Variants in SHOX observed in about 807,000 individuals in gnomAD.
The protein encoded by SHOX is SHOX homeobox, also known as short stature homeobox protein.
SHOX carries 12 observed loss-of-function variants against 29.6 expected under a neutral mutation model. The ratio of observed to expected loss-of-function variants is 0.41; its 90% CI spans 0.26 to 0.66. The LOEUF (loss-of-function observed/expected upper bound fraction) is 0.66. Ranked by LOEUF, SHOX falls within the 30% of genes least tolerant of loss-of-function variation. The pLI is 0.35. For synonymous variants in SHOX, 214 were observed against 200.6 expected (o/e 1.07, Z -0.57); for missense variants, 499 against 437.7 (o/e 1.14, Z -1.25).
downstream of SHOX, among the ~76,000 whole-genome samples, chrX:654,506 G>T (rs1194677720): frequency 4.6e-5 from 7 of 151,818 alleles, no homozygotes; most frequent in East Asian, 1.3e-3. Context: ...TTCTAAAAAG[G>T]CTATAAAAAA....
intron 4 of SHOX, among the ~76,000 whole-genome samples, chrX:643,039 G>T (rs2052886474): frequency 6.9e-6 from 1 of 144,808 alleles, no homozygotes; most frequent in African/African-American, 2.6e-5. Flanking sequence ...GACACCTGGT[G>T]ACCCGGGAGG....
Position 644,650 on chromosome X carries a change from C to G in SHOX, c.*14C>G. 15 of 1,443,072 alleles carry G rather than the reference C, an allele frequency of 1.0e-5. No individual in the cohort carries two copies. The highest frequency in any genetic ancestry group is 2.8e-5 in the Admixed American group (1 of 35,386). 89.4% of individuals were successfully genotyped at this position (1,443,072 alleles called of 1,614,324 possible). ...CTGGGGCTCTGACCCGCCGCGCAGC[C>G]CCCCGCGCGCCCGGACTCCCGGGCT... On this transcript the variant is annotated 3_prime_UTR_variant, in exon 5 of 5. Coordinates refer to ENST00000686671, the MANE Select transcript of SHOX (RefSeq NM_000451.4).
intron 2 of SHOX, among the ~76,000 whole-genome samples, chrX:637,512 G>C (rs935305454): frequency 6.6e-6 from 1 of 151,872 alleles, no homozygotes; most frequent in Non-Finnish European, 1.5e-5. Flanking sequence ...ACAAATCGGG[G>C]ACAAGCTGGG....
exon 6 of SHOX, chrX:658,914 A>ATG: frequency 7.3e-6 from 2 of 273,122 alleles, no homozygotes; most frequent in Non-Finnish European, 1.5e-5. Context: ...ACAGGTGCCC[A>ATG]CCACCATGTC....
intron 2 of SHOX, among the ~76,000 whole-genome samples, 189 bp from the exon 3 acceptor site, chrX:640,632 C>T (rs1211524519): frequency 1.3e-5 from 2 of 152,108 alleles, no homozygotes; most frequent in Non-Finnish European, 2.9e-5. Context: ...CCCCAATTTC[C>T]AGTACTAGGT....
In SHOX at chrX:630,888, G is replaced by T. The variant is rs754355154; in HGVS notation, c.-10G>T. 2.5e-6 allele frequency: 4 copies of T among 1,610,636 alleles called. No individual in the cohort carries two copies. The African/African-American group carries it at 4.0e-5, about 16-fold the overall frequency. ...CCAGCCCCGGCTGCTCGCCAGCCCC[G>T]GCCCCAGCCATGGAAGAGCTCACGG... On this transcript the variant is annotated 5_prime_UTR_variant, in exon 1 of 5. Coordinates refer to ENST00000686671, the MANE Select transcript of SHOX (RefSeq NM_000451.4).
At chrX:635,854 G>A (rs896133272) in intron 2 of SHOX, among the ~76,000 whole-genome samples, 4 of 60,222 alleles carry the variant, frequency 6.6e-5, no homozygotes, top group African/African-American at 1.8e-4. Context: ...GAAGTGGGGG[G>A]AGGGAGAGAG....
chrX:643,056 G>T, intron 4 of SHOX, among the ~76,000 whole-genome samples: 1 of 147,920 alleles, frequency 6.8e-6, no homozygotes, highest in Admixed American at 6.6e-5. Flanking sequence ...GAGGGCCTTG[G>T]GGATCTGGTG....
rs1179154558 is a variant in SHOX, at chrX:645,512, T to C, written c.*876T>C. On this transcript the variant is annotated 3_prime_UTR_variant, in exon 5 of 5. Transcript: ENST00000686671. ...TCATACTGATATGCAGCATTAACTT[T>C]ACTGACATGGAGTGAAGTGCAATAT... 6.7e-6 allele frequency: 1 copy of C among 148,702 alleles called. No individual in the cohort carries two copies. The highest frequency in any genetic ancestry group is 2.2e-4 in the South Asian group (1 of 4,650). The allele number at this position is 148,702 out of a possible 1,614,324, so 9.2% of individuals were successfully genotyped here. A position where few individuals can be genotyped will look rare whatever the true frequency, so the allele number is the denominator to read the frequency against.
chrX:639,120 G>T (rs1271915690), intron 2 of SHOX, among the ~76,000 whole-genome samples: 2 of 152,086 alleles, frequency 1.3e-5, no homozygotes, highest in African/African-American at 4.8e-5. Context: ...GGTGAGAGGG[G>T]GTGGAATTTG....
Position 634,808 on chromosome X carries a change from C to T in SHOX, c.468C>T (p.Leu156=). The T allele has an allele frequency of 1.3e-6, 2 of 1,577,974 alleles. No homozygotes were observed. The highest frequency in any genetic ancestry group is 1.2e-5 in the South Asian group (1 of 86,898). The part of the protein sequence containing the change: ...MREELSQRLG[L]SEARVQVWFQ... ...AGGAGCTCAGCCAGCGCCTGGGGCT[C>T]TCCGAGGCGCGCGTGCAGGTAGGAA... is the stretch of plus-strand genomic sequence containing the variant. Residue 156 remains leucine, a synonymous_variant, in exon 2 of 5, where the codon CTC becomes CTT. Coordinates refer to ENST00000686671, the MANE Select transcript of SHOX (RefSeq NM_000451.4).
chrX:628,551 T>TTC (rs1239302815), upstream of SHOX, among the ~76,000 whole-genome samples: 8 of 35,576 alleles, frequency 2.2e-4, no homozygotes, highest in Non-Finnish European at 4.1e-4. Flanking sequence ...GTCTCTCTCT[T>TTC]TCTCTCTCTA....
downstream of SHOX, among the ~76,000 whole-genome samples, chrX:651,799 C>G (rs887458370): frequency 4.9e-4 from 74 of 152,132 alleles, 1 homozygote; most frequent in South Asian, 8.3e-4. Context: ...CCTTCCTTTA[C>G]TGAAACCTAC....
upstream of SHOX, among the ~76,000 whole-genome samples, chrX:629,422 C>A (rs759171088): frequency 1.4e-5 from 2 of 147,196 alleles, no homozygotes; most frequent in Admixed American, 6.7e-5. Flanking sequence ...CGTCTTTCCC[C>A]CTCTGTCTCT....
At chrX:643,978 C>A (rs868251934) in intron 4 of SHOX, among the ~76,000 whole-genome samples, 7 of 55,168 alleles carry the variant, frequency 1.3e-4, no homozygotes, top group African/African-American at 3.8e-4. Flanking sequence ...CTCGGGAGAG[C>A]CTTGGTGACC....
chrX:656,527 T>C (rs2124225147), downstream of SHOX, among the ~76,000 whole-genome samples: 1 of 152,180 alleles, frequency 6.6e-6, no homozygotes, highest in East Asian at 1.9e-4. Flanking sequence ...AGCAACAAAG[T>C]GAGATCTTGT....
Position 648,734 on chromosome X carries a change from A to G in SHOX, c.*4098A>G, listed in dbSNP as rs1188796877. Among the ~76,000 whole-genome samples, 2 of 152,010 alleles carry G rather than the reference A, an allele frequency of 1.3e-5. No homozygotes were observed. Among genetic ancestry groups the G allele is most frequent in the African/African-American group, 2.4e-5 (1 of 41,402 alleles). On this transcript the variant is annotated 3_prime_UTR_variant, in exon 5 of 5. Coordinates refer to ENST00000686671, the MANE Select transcript of SHOX (RefSeq NM_000451.4). ...TTTCTCCTGCGAGAGAAGTTGGGTGACTTTCTGTAGGTGGATGAGTGATCC... is the reference window on the plus strand; with the variant it reads ...TTTCTCCTGCGAGAGAAGTTGGGTGGCTTTCTGTAGGTGGATGAGTGATCC...
Position 634,787 on chromosome X carries a change from G to C in SHOX, c.447G>C (p.Glu149Asp). Residue 149 changes from glutamate (E) to aspartate (D), a missense_variant, in exon 2 of 5, where the codon GAG becomes GAC. Transcript: ENST00000686671. The stretch of plus-strand genomic sequence containing the variant: ...ACCCCGACGCCTTCATGCGCGAGGA[G>C]CTCAGCCAGCGCCTGGGGCTCTCCG... ...THYPDAFMRE[E>D]LSQRLGLSEA... 6.3e-7 allele frequency: 1 copy of C among 1,598,048 alleles called. No homozygotes were observed. The highest frequency in any genetic ancestry group is 8.5e-7 in the Non-Finnish European group (1 of 1,172,648).
At chrX:656,922 T>C in intron 5 of SHOX, among the ~76,000 whole-genome samples, 1 of 58,176 alleles carries the variant, frequency 1.7e-5, no homozygotes, top group Non-Finnish European at 3.3e-5. Flanking sequence ...CAAGACTCCG[T>C]CTCAAAAAAA....
Sources: allele counts gnomAD v4.1 joint callset (sites outside exome capture counted in the v4.1 genomes callset), GRCh38; gene constraint gnomAD v4.1.1; transcripts MANE v1.5; gene names NCBI Gene and HGNC (gene_info 2026-07-23, HGNC 2026-07-21).